Variants in SHISA9 observed in about 807,000 individuals in gnomAD.
The protein encoded by SHISA9 is shisa family member 9, also known as protein shisa-9.
Under a neutral mutation model 38.0 loss-of-function variants are expected in SHISA9, and 13 were observed. That is an observed-to-expected ratio of 0.34 (90% CI 0.22 to 0.54). The LOEUF is 0.54. Among genes scored for constraint, SHISA9 ranks in the 20% least tolerant of loss-of-function variants. The probability of loss-of-function intolerance (pLI) is 0.91; values close to 1 mark genes in which losing one functional copy is unlikely to be tolerated. For synonymous variants in SHISA9, 275 were observed against 242.0 expected (o/e 1.14, Z -1.27); for missense variants, 538 against 575.8 (o/e 0.93, Z 0.67).
the SHISA9 span, among the ~76,000 whole-genome samples, chr16:13,416,031 A>G: frequency 6.6e-6 from 1 of 152,200 alleles, no homozygotes; most frequent in Non-Finnish European, 1.5e-5. Flanking sequence ...ATGCTCTTTT[A>G]CTTGTTCTGG....
intron 2 of SHISA9, among the ~76,000 whole-genome samples, chr16:12,990,905 G>A (rs2072376430): frequency 6.6e-6 from 1 of 152,154 alleles, no homozygotes; most frequent in South Asian, 2.1e-4. Flanking sequence ...TTGCTAGAAG[G>A]GGAATTACTA....
At chr16:13,300,337 G>GT in the SHISA9 span, among the ~76,000 whole-genome samples, 3 of 152,138 alleles carry the variant, frequency 2.0e-5, no homozygotes, top group Admixed American at 1.3e-4. Context: ...AATTTTGGGA[G>GT]TTTCCCTGCA....
the SHISA9 span, among the ~76,000 whole-genome samples, chr16:13,521,809 T>C: frequency 5.9e-5 from 9 of 152,302 alleles, no homozygotes; most frequent in African/African-American, 1.7e-4. Context: ...ACAACTGTTA[T>C]TAGGATAAGT....
chr16:12,940,794 A>T (rs1361770651), intron 2 of SHISA9, among the ~76,000 whole-genome samples: 2 of 152,138 alleles, frequency 1.3e-5, no homozygotes, highest in Non-Finnish European at 1.5e-5. Flanking sequence ...GGGGAGGTGC[A>T]TTACTCCTCC....
the SHISA9 span, among the ~76,000 whole-genome samples, chr16:13,414,015 T>A: frequency 1.3e-5 from 2 of 152,256 alleles, no homozygotes; most frequent in South Asian, 4.1e-4. Flanking sequence ...GTAACCAGAT[T>A]AATTTTTTCC....
the SHISA9 span, among the ~76,000 whole-genome samples, chr16:13,555,752 C>T: frequency 2.0e-5 from 3 of 152,110 alleles, no homozygotes; most frequent in African/African-American, 4.8e-5. Flanking sequence ...TTGTTCTCTT[C>T]CTGAGGCCCT....
the SHISA9 span, among the ~76,000 whole-genome samples, chr16:13,296,381 G>C: frequency 6.6e-6 from 1 of 151,612 alleles, no homozygotes. Context: ...GTATTATCTA[G>C]AGGGTTGTTA....
Position 12,901,907 on chromosome 16 carries a change from C to T in SHISA9, c.-158C>T. ...ACGCGGGCTGAGCCGAGCGCAGTGG[C>T]CGCCGACCACCGAGCGCCCCGCGCC... On this transcript the variant is annotated 5_prime_UTR_variant, in exon 1 of 5. Transcript: ENST00000558583. 1 of 368,492 alleles carries T rather than the reference C, an allele frequency of 2.7e-6. No homozygotes were observed. 22.8% of individuals were successfully genotyped at this position (368,492 alleles called of 1,614,324 possible). A position where few individuals can be genotyped will look rare whatever the true frequency, so the allele number is the denominator to read the frequency against.
chr16:13,367,712 G>GTGCGCACACACA, the SHISA9 span, among the ~76,000 whole-genome samples: 1 of 104,640 alleles, frequency 9.6e-6, no homozygotes, highest in African/African-American at 3.5e-5. Flanking sequence ...GCGCGCGCGC[G>GTGCGCACACACA]CACACACACA....
the SHISA9 span, among the ~76,000 whole-genome samples, chr16:13,439,023 C>A: frequency 2.6e-5 from 4 of 152,116 alleles, no homozygotes; most frequent in Non-Finnish European, 4.4e-5. Flanking sequence ...ATGGATGCCC[C>A]TAGAGGACAT....
intron 2 of SHISA9, among the ~76,000 whole-genome samples, chr16:13,013,532 G>A (rs1352819280): frequency 6.6e-6 from 1 of 152,088 alleles, no homozygotes; most frequent in African/African-American, 2.4e-5. Context: ...CTCAGCCCAT[G>A]CCCCAGAGTC....
At chr16:13,433,977 A>C in the SHISA9 span, among the ~76,000 whole-genome samples, 9 of 152,352 alleles carry the variant, frequency 5.9e-5, no homozygotes, top group East Asian at 1.5e-3. Context: ...CACGATCACA[A>C]GGTGAGGTCC....
chr16:13,179,857 G>A (rs944104316), intron 2 of SHISA9, among the ~76,000 whole-genome samples: 1 of 152,214 alleles, frequency 6.6e-6, no homozygotes, highest in Non-Finnish European at 1.5e-5. Context: ...CTGGCAGGAT[G>A]TGGGTGTTTA....
In SHISA9 at chr16:13,157,230, G is replaced by T. The variant is rs193200616; in HGVS notation, c.692-46164G>T. On this transcript the variant is annotated intron_variant, in intron 2 of 4. Coordinates refer to ENST00000558583, the MANE Select transcript of SHISA9 (RefSeq NM_001145204.3). ...GTGCTGAGTGCTGGGCTATAAGAAA[G>T]ATTTGAATCAACCCTTTCAGAGCCT... Among the ~76,000 whole-genome samples, 5 of 152,270 alleles carry T rather than the reference G, an allele frequency of 3.3e-5. No homozygotes were observed. In the East Asian group the frequency reaches 7.7e-4, roughly 24 times the overall value.
chr16:13,327,151 C>T, the SHISA9 span, among the ~76,000 whole-genome samples: 1 of 152,112 alleles, frequency 6.6e-6, no homozygotes, highest in Admixed American at 6.6e-5. Flanking sequence ...ATTCCTGGTA[C>T]TTTTTTAACG....
chr16:13,554,803 C>G, the SHISA9 span, among the ~76,000 whole-genome samples: 1 of 152,134 alleles, frequency 6.6e-6, no homozygotes, highest in South Asian at 2.1e-4. Context: ...CAGGTTGCAT[C>G]TAAAAGAAGA....
chr16:13,298,191 A>G, the SHISA9 span, among the ~76,000 whole-genome samples: 15 of 152,258 alleles, frequency 9.9e-5, no homozygotes, highest in East Asian at 2.9e-3. Flanking sequence ...TCATTATAGA[A>G]ACTCATCAAC....
chr16:13,273,572 T>A, the SHISA9 span, among the ~76,000 whole-genome samples: 1 of 152,224 alleles, frequency 6.6e-6, no homozygotes, highest in East Asian at 1.9e-4. Flanking sequence ...CCCAGTCACA[T>A]GGAACTGTAA....
chr16:13,394,928 GGTGTGTGTGTGTGTGTGTGTGTGT>G, the SHISA9 span, among the ~76,000 whole-genome samples: 2 of 139,402 alleles, frequency 1.4e-5, no homozygotes, highest in Non-Finnish European at 3.1e-5. Flanking sequence ...CAGTATCTGG[GGTGTGTGTGTGTGTGTGTGTGTGT>G]GTGTGTGTGT....
Sources: allele counts gnomAD v4.1 joint callset (sites outside exome capture counted in the v4.1 genomes callset), GRCh38; gene constraint gnomAD v4.1.1; transcripts MANE v1.5; gene names NCBI Gene and HGNC (gene_info 2026-07-23, HGNC 2026-07-21).